The following GFRA1 variants were observed in gnomAD, a reference collection of about 807,000 sequenced individuals.
GFRA1 encodes the protein GDNF family receptor alpha 1.
In GFRA1, 16 loss-of-function variants were observed where a neutral mutation model predicts 51.6. The ratio of observed to expected loss-of-function variants is 0.31; its 90% confidence interval spans 0.21 to 0.47. The LOEUF (loss-of-function observed/expected upper bound fraction) is 0.47, where lower values mean the gene tolerates loss of function less well. GFRA1 is among the 20% of genes least tolerant of loss of function. The pLI is 1.00. For synonymous variants in GFRA1, 270 were observed against 241.3 expected (o/e 1.12, Z -1.10); for missense variants, 530 against 594.3 (o/e 0.89, Z 1.13).
At chr10:116,271,203 G>T in intron 2 of GFRA1, 88 bp from the exon 3 acceptor site, 1 of 1,197,764 alleles carries the variant, frequency 8.3e-7, no homozygotes, top group Non-Finnish European at 1.2e-6. Context: ...CCCGGGTCAG[G>T]GATGCTTGAC....
Position 116,159,241 on chromosome 10 carries a change from G to C in GFRA1, c.434-33684C>G, listed in dbSNP as rs565878319. 3.3e-5 allele frequency among the ~76,000 whole-genome samples: 5 copies of C among 152,260 alleles called. No individual in the cohort carries two copies. The South Asian group carries it at 1.0e-3, about 32-fold the overall frequency. On this transcript the variant is annotated intron_variant, in intron 5 of 10. Coordinates refer to ENST00000355422, the MANE Select transcript of GFRA1 (RefSeq NM_005264.8). ...TGACCCTACCTCTCTGAGGAGGGCAGTGTCACCAGGACCCCACACTGGCCC... is the reference window on the plus strand; with the variant it reads ...TGACCCTACCTCTCTGAGGAGGGCACTGTCACCAGGACCCCACACTGGCCC...
chr10:116,210,121 G>A (rs1965076352), intron 5 of GFRA1, among the ~76,000 whole-genome samples: 1 of 152,108 alleles, frequency 6.6e-6, no homozygotes, highest in Admixed American at 6.5e-5. Context: ...CGAATGGCAT[G>A]ACTGATTAAA....
chr10:116,120,826 C>G (rs187984722), intron 6 of GFRA1, among the ~76,000 whole-genome samples: 1 of 152,162 alleles, frequency 6.6e-6, no homozygotes, highest in African/African-American at 2.4e-5. Context: ...CTCTGCTGCA[C>G]GTGCTGAATG....
At chr10:116,079,211 T>G (rs1317646345) in intron 9 of GFRA1, among the ~76,000 whole-genome samples, 1 of 152,072 alleles carries the variant, frequency 6.6e-6, no homozygotes, top group African/African-American at 2.4e-5. Flanking sequence ...GGGAACCCAA[T>G]CTGCCCACAC....
intron 6 of GFRA1, among the ~76,000 whole-genome samples, chr10:116,117,562 T>TGGAG (rs1178232008): frequency 7.3e-6 from 1 of 136,932 alleles, no homozygotes; most frequent in Non-Finnish European, 1.6e-5. Flanking sequence ...GGTGTGTGGA[T>TGGAG]GGATGGATGG....
chr10:116,064,216 C>T lies in GFRA1; in HGVS notation c.*182G>A. The T allele has an allele frequency of 1.7e-6, 1 of 603,896 alleles. No homozygotes were observed. The highest frequency in any genetic ancestry group is 2.0e-5 in the South Asian group (1 of 49,722). The allele number at this position is 603,896 out of a possible 1,614,324, so 37.4% of individuals were successfully genotyped here. The stretch of plus-strand genomic sequence containing the variant: ...GGATGGAGCACTGCATCAGGTTTTT[C>T]ACAGAAGCCCCAAAGGATCACAAGA... On this transcript the variant is annotated 3_prime_UTR_variant, in exon 11 of 11. Coordinates refer to ENST00000355422, the MANE Select transcript of GFRA1 (RefSeq NM_005264.8).
chr10:116,085,197 AC>A (rs1956042048), intron 9 of GFRA1, among the ~76,000 whole-genome samples: 2 of 152,284 alleles, frequency 1.3e-5, no homozygotes, highest in South Asian at 4.1e-4. Context: ...CCCAAACAGA[AC>A]TGCGTTTGGT....
chr10:116,171,537 A>G (rs571447549), intron 5 of GFRA1, among the ~76,000 whole-genome samples: 2 of 152,310 alleles, frequency 1.3e-5, no homozygotes, highest in East Asian at 3.9e-4. Context: ...CTGATTTGGC[A>G]AAGATATTCA....
chr10:116,179,303 T>A (rs141870102), intron 5 of GFRA1, among the ~76,000 whole-genome samples: 124 of 152,330 alleles, frequency 8.1e-4, no homozygotes, highest in African/African-American at 2.7e-3. Flanking sequence ...ATCACCATTG[T>A]CAGGGAGCAT....
intron 4 of GFRA1, among the ~76,000 whole-genome samples, chr10:116,260,037 G>A (rs908366651): frequency 1.3e-5 from 2 of 152,168 alleles, no homozygotes; most frequent in African/African-American, 4.8e-5. Flanking sequence ...ATTCAATGAG[G>A]AGAATACACA....
intron 6 of GFRA1, among the ~76,000 whole-genome samples, chr10:116,121,223 C>G (rs1957628246): frequency 6.6e-6 from 1 of 152,192 alleles, no homozygotes; most frequent in Non-Finnish European, 1.5e-5. Flanking sequence ...CCATTCGGCC[C>G]AAACCAGTCC....
At chr10:116,270,705 C>T in intron 3 of GFRA1, 117 bp downstream of exon 3, 1 of 830,442 alleles carries the variant, frequency 1.2e-6, no homozygotes, top group South Asian at 1.6e-5. Context: ...AAGGAAAGGT[C>T]CTCACTCTGC....
chr10:116,190,036 C>A (rs1425306264), intron 5 of GFRA1, among the ~76,000 whole-genome samples: 1 of 152,140 alleles, frequency 6.6e-6, no homozygotes, highest in Non-Finnish European at 1.5e-5. Context: ...CAGGAGAAAA[C>A]CAAAGCACAG....
At chr10:116,198,746 T>G (rs1964096467) in intron 5 of GFRA1, among the ~76,000 whole-genome samples, 1 of 152,216 alleles carries the variant, frequency 6.6e-6, no homozygotes, top group African/African-American at 2.4e-5. Flanking sequence ...GATGCTTCTC[T>G]TTTATTGTGG....
intron 4 of GFRA1, among the ~76,000 whole-genome samples, chr10:116,249,689 C>G (rs1968158049): frequency 6.6e-6 from 1 of 152,190 alleles, no homozygotes; most frequent in Non-Finnish European, 1.5e-5. Context: ...ACCTACCTAG[C>G]TCTCACTTAC....
chr10:116,092,134 C>T (rs1202190877), intron 8 of GFRA1, among the ~76,000 whole-genome samples: 3 of 146,060 alleles, frequency 2.1e-5, no homozygotes, highest in African/African-American at 7.7e-5. Flanking sequence ...CACACACACA[C>T]ACACATTTTC....
intron 5 of GFRA1, among the ~76,000 whole-genome samples, chr10:116,167,003 G>C (rs1960521178): frequency 1.3e-5 from 2 of 151,658 alleles, no homozygotes; most frequent in African/African-American, 4.8e-5. Context: ...GTTTCATCGT[G>C]TTAGCCAGGA....
intron 10 of GFRA1, 26 bp from the exon 11 acceptor site, chr10:116,064,570 C>T: frequency 6.3e-7 from 1 of 1,593,194 alleles, no homozygotes. Context: ...GTTTCATTAT[C>T]ATCCACTGCA....
At chr10:116,244,453 T>TTATTTCATTTAATGTTAATAATTAA (rs1565676191) in intron 4 of GFRA1, among the ~76,000 whole-genome samples, 2,555 of 146,322 alleles carry the variant, frequency 0.017, 46 homozygotes, top group African/African-American at 0.061. Flanking sequence ...AAATTTAATT[T>TTATTTCATTTAATGTTAATAATTAA]AATTTAATTT....
Sources: gnomAD v4.1 joint callset for allele counts (sites outside exome capture counted in the v4.1 genomes callset) on GRCh38, gnomAD v4.1.1 for gene constraint, MANE v1.5 for transcripts, NCBI Gene and HGNC (gene_info 2026-07-23, HGNC 2026-07-21) for gene names.